APOLD1: variants seen among roughly 807,000 people sequenced by gnomAD.
APOLD1 encodes the protein apolipoprotein L domain containing 1.
In APOLD1, 22 loss-of-function variants were observed where a neutral mutation model predicts 15.3. The observed-to-expected ratio is 1.44, with a 90% CI of 1.03 to 2.05. The LOEUF (loss-of-function observed/expected upper bound fraction) is 2.05, where lower values mean the gene tolerates loss of function less well. Ranked by LOEUF, APOLD1 falls within the 30% of genes most tolerant of loss-of-function variation. The probability of loss-of-function intolerance (pLI) is 0.00; values close to 1 mark genes in which losing one functional copy is unlikely to be tolerated. For synonymous variants in APOLD1, 190 were observed against 167.4 expected (o/e 1.13, Z -1.04); for missense variants, 394 against 353.5 (o/e 1.11, Z -0.92).
exon 1 of APOLD1, chr12:12,726,037 G>A (rs1387972267): frequency 6.5e-7 from 1 of 1,541,192 alleles, no homozygotes; most frequent in Non-Finnish European, 8.8e-7. Context: ...GCGGGCCAGG[G>A]GTACTCGGAA....
rs1405782293 is a variant in APOLD1 at position 12,786,980 on chromosome 12, G to A, written c.75G>A (p.Leu25=). The A allele has an allele frequency of 1.4e-5, 20 of 1,433,874 alleles. No individual in the cohort carries two copies. Among genetic ancestry groups the A allele is most frequent in the African/African-American group, 4.5e-5 (3 of 66,750 alleles). The allele number at this position is 1,433,874 out of a possible 1,614,324, so 88.8% of individuals were successfully genotyped here. The change falls in exon 2 of 2, where the codon CTG becomes CTA. Residue 25 remains leucine, a synonymous_variant. Transcript: ENST00000356591. ...TGCGGCGCTTCCAGGGACTGCTGCTGGACCGCCGAGGCCGGCTGCACGGCC... is the reference window on the plus strand; with the variant it reads ...TGCGGCGCTTCCAGGGACTGCTGCTAGACCGCCGAGGCCGGCTGCACGGCC... The part of the protein sequence containing the change: ...DALRRFQGLL[L]DRRGRLHGQV...
chr12:12,761,828 T>TAGAGAGAG (rs1335110034), intron 1 of APOLD1, among the ~76,000 whole-genome samples: 1 of 20,644 alleles, frequency 4.8e-5, no homozygotes, highest in African/African-American at 1.2e-4. Flanking sequence ...TATGTATATG[T>TAGAGAGAG]ATAGAGAGAG....
rs760403329 is a variant in APOLD1, at chr12:12,786,915, G to C, written c.10G>C (p.Glu4Gln). The C allele has an allele frequency of 8.3e-6, 12 of 1,445,338 alleles. No homozygotes were observed. The South Asian group carries it at 1.5e-4, about 18-fold the overall frequency. The allele number at this position is 1,445,338 out of a possible 1,614,324, so 89.5% of individuals were successfully genotyped here. A position where few individuals can be genotyped will look rare whatever the true frequency, so the allele number is the denominator to read the frequency against. The stretch of plus-strand genomic sequence containing the variant: ...CGTGTCTATGTCCCCGCAGGGAATG[G>C]AGAGGCCGGCGGCCCGGGAGCCGCA... Reference protein sequence around the residue: MGMERPAAREPHGP... With the variant: MGMQRPAAREPHGP... The change falls in exon 2 of 2, where the codon GAG becomes CAG. Residue 4 changes from glutamate to glutamine, a missense_variant. Transcript: ENST00000356591.
chr12:12,729,387 C>G (rs1193734813), intron 1 of APOLD1, among the ~76,000 whole-genome samples: 1 of 152,056 alleles, frequency 6.6e-6, no homozygotes. Flanking sequence ...GAAAGACTTT[C>G]TGAGTACGAC....
chr12:12,727,650 T>C (rs1565423381), intron 1 of APOLD1, among the ~76,000 whole-genome samples: 1 of 152,108 alleles, frequency 6.6e-6, no homozygotes, highest in Non-Finnish European at 1.5e-5. Flanking sequence ...TCATCCAGGC[T>C]GGAGTGCAGT....
Position 12,791,373 on chromosome 12 carries a change from T to C in APOLD1, c.*3721T>C, listed in dbSNP as rs897240255. Reference sequence around the variant, plus strand: ...GACATCGTGCAGAGATAAATGGGGATACAGTTAAATGTAGCAACTCTTGAG... The same window carrying C: ...GACATCGTGCAGAGATAAATGGGGACACAGTTAAATGTAGCAACTCTTGAG... On this transcript the variant is annotated 3_prime_UTR_variant, in exon 2 of 2. Coordinates refer to ENST00000356591, the MANE Select transcript of APOLD1 (RefSeq NM_030817.3). 2 of 152,238 alleles carry C rather than the reference T, an allele frequency of 1.3e-5. No individual in the cohort carries two copies. Among genetic ancestry groups the C allele is most frequent in the Non-Finnish European group, 2.9e-5 (2 of 68,048 alleles). 9.4% of individuals were successfully genotyped at this position (152,238 alleles called of 1,614,324 possible).
chr12:12,777,907 T>G lies in APOLD1; in HGVS notation c.97-9002T>G, dbSNP rs1947048929. 4.6e-4 allele frequency among the ~76,000 whole-genome samples: 14 copies of G among 30,278 alleles called. No homozygotes were observed. The South Asian group carries it at 0.017, about 36-fold the overall frequency. 19.9% of individuals were successfully genotyped at this position (30,278 alleles called of 152,430 possible). A position where few individuals can be genotyped will look rare whatever the true frequency, so the allele number is the denominator to read the frequency against. ...GAAAGGTGTTTTTTTTTTTTTTTTTTTTTTTTTTTTTTTTTTTTGTTGTTG... is the reference window on the plus strand; with the variant it reads ...GAAAGGTGTTTTTTTTTTTTTTTTTGTTTTTTTTTTTTTTTTTTGTTGTTG... On this transcript the variant is annotated intron_variant, in intron 1 of 1. Transcript: ENST00000326765.
intron 1 of APOLD1, among the ~76,000 whole-genome samples, chr12:12,746,368 T>C (rs1223946649): frequency 6.6e-6 from 1 of 152,120 alleles, no homozygotes; most frequent in Admixed American, 6.6e-5. Flanking sequence ...TGGTGGCAGA[T>C]GCCTGTAATC....
chr12:12,750,468 T>C (rs1946804070), intron 1 of APOLD1, among the ~76,000 whole-genome samples: 1 of 152,074 alleles, frequency 6.6e-6, no homozygotes, highest in Non-Finnish European at 1.5e-5. Context: ...TATTTTGAAC[T>C]TCACTTTCTT....
chr12:12,768,271 T>C (rs1418937965), intron 1 of APOLD1, among the ~76,000 whole-genome samples: 1 of 152,118 alleles, frequency 6.6e-6, no homozygotes, highest in African/African-American at 2.4e-5. Context: ...ACCTGATAAT[T>C]GCACCACATT....
chr12:12,773,086 GA>G (rs144812570), intron 1 of APOLD1, among the ~76,000 whole-genome samples: 3 of 150,344 alleles, frequency 2.0e-5, no homozygotes, highest in East Asian at 3.9e-4. Context: ...CTCTAAAAAA[GA>G]AAAAAAAATT....
rs1336787337 is a variant in APOLD1 at position 12,761,814 on chromosome 12, C to CAT, written c.97-25090_97-25089dup. Among the ~76,000 whole-genome samples, 204 of 67,692 alleles carry CAT rather than the reference C, an allele frequency of 3.0e-3. 4 individuals are homozygous for CAT. The highest frequency in any genetic ancestry group is 0.025 in the Admixed American group (138 of 5,454). The allele number at this position is 67,692 out of a possible 152,430, so 44.4% of individuals were successfully genotyped here. ...ACATATATATATACATGAACATATA[C>CAT]ATATATGTATATGTATAGAGAGAGA... On this transcript the variant is annotated intron_variant, in intron 1 of 1. Coordinates refer to the APOLD1 transcript ENST00000326765.
At chr12:12,786,554 G>T in intron 1 of APOLD1, 6 of 573,362 alleles carry the variant, frequency 1.0e-5, no homozygotes, top group Non-Finnish European at 1.3e-5. Flanking sequence ...TAGAGCAAAG[G>T]CCTCAGTACT....
chr12:12,743,783 G>A (rs1424712541), intron 1 of APOLD1, among the ~76,000 whole-genome samples: 1 of 152,238 alleles, frequency 6.6e-6, no homozygotes, highest in Non-Finnish European at 1.5e-5. Context: ...TCTTGGAAGA[G>A]GAAAGCAGAA....
At chr12:12,781,423 C>T (rs145052758), upstream of APOLD1, among the ~76,000 whole-genome samples, 1,584 of 151,836 alleles carry the variant, frequency 0.01, 28 homozygotes, top group African/African-American at 0.036. Flanking sequence ...GCAACAAGAG[C>T]GAAACTCCGT....
Position 12,740,317 on chromosome 12 carries a change from A to T in APOLD1, c.96+14221A>T, listed in dbSNP as rs562532106. ...TTTTTAGCAGAGACGGGGTTTCACC[A>T]TATTGGCCAGGCTGGTCTTGAACTC... On this transcript the variant is annotated intron_variant, in intron 1 of 1. Coordinates refer to the APOLD1 transcript ENST00000326765. Among the ~76,000 whole-genome samples, 9 of 152,160 alleles carry T rather than the reference A, an allele frequency of 5.9e-5. 1 individual carries two copies. In the East Asian group the frequency reaches 1.7e-3, roughly 29 times the overall value.
intron 1 of APOLD1, among the ~76,000 whole-genome samples, chr12:12,740,075 A>G (rs1019683728): frequency 6.6e-5 from 10 of 151,194 alleles, no homozygotes; most frequent in African/African-American, 2.2e-4. Context: ...TCTGCCTCCC[A>G]GGTTCAAGCG....
intron 1 of APOLD1, among the ~76,000 whole-genome samples, chr12:12,775,543 C>T (rs189667178): frequency 4.7e-4 from 72 of 152,210 alleles, no homozygotes; most frequent in African/African-American, 1.5e-3. Flanking sequence ...GCAGGGAGCA[C>T]GGGGTGTCTC....
At chr12:12,744,452 T>A in intron 1 of APOLD1, among the ~76,000 whole-genome samples, 1 of 149,958 alleles carries the variant, frequency 6.7e-6, no homozygotes, top group Non-Finnish European at 1.5e-5. Flanking sequence ...CTACTAAAAT[T>A]ACAAAAATTA....
Sources: gnomAD v4.1 joint callset for allele counts (sites outside exome capture counted in the v4.1 genomes callset) on GRCh38, gnomAD v4.1.1 for gene constraint, MANE v1.5 for transcripts, NCBI Gene and HGNC (gene_info 2026-07-23, HGNC 2026-07-21) for gene names.